Variants in OTUD7B observed in about 807,000 individuals in gnomAD.
OTUD7B encodes the protein OTU domain-containing protein 7B.
A neutral mutation model predicts 82.2 loss-of-function variants in OTUD7B; 34 were observed. The ratio of observed to expected loss-of-function variants is 0.41; its 90% CI spans 0.31 to 0.55. The LOEUF (loss-of-function observed/expected upper bound fraction) is 0.55, where lower values mean the gene tolerates loss of function less well. Ranked by LOEUF, OTUD7B falls within the 20% of genes least tolerant of loss-of-function variation. The probability of loss-of-function intolerance (pLI) is 0.20; values close to 1 mark genes in which losing one functional copy is unlikely to be tolerated. For synonymous variants in OTUD7B, 398 were observed against 402.7 expected, an observed-to-expected ratio of 0.99 and a Z score of 0.14; for missense variants, 944 against 1,062.1, an observed-to-expected ratio of 0.89 and a Z score of 1.55.
the OTUD7B span, among the ~76,000 whole-genome samples, chr1:150,038,763 G>GT: frequency 6.6e-6 from 1 of 151,994 alleles, no homozygotes; most frequent in East Asian, 1.9e-4. Flanking sequence ...TGATTTTTGA[G>GT]TTTTATGTTT....
chr1:150,042,283 G>A, the OTUD7B span, among the ~76,000 whole-genome samples: 2 of 150,856 alleles, frequency 1.3e-5, no homozygotes, highest in Non-Finnish European at 3.0e-5. Flanking sequence ...AGCAATTCTC[G>A]TGCCTCAATC....
chr1:149,979,929 T>TA lies in OTUD7B; in HGVS notation c.-66-2354dup, dbSNP rs367616835. Among the ~76,000 whole-genome samples, 4 of 151,864 alleles carry TA rather than the reference T, an allele frequency of 2.6e-5. No homozygotes were observed. In the East Asian group the frequency reaches 5.8e-4, roughly 22 times the overall value. On this transcript the variant is annotated intron_variant, in intron 1 of 11. Coordinates refer to ENST00000581312, the MANE Select transcript of OTUD7B (RefSeq NM_020205.4). ...AAAATAAATTTCAATCTTCTCTCTT[T>TA]AAAAAAAAGCAACGCAACTGTAAAG...
At chr1:149,955,703 T>C (rs1274300094) in intron 7 of OTUD7B, among the ~76,000 whole-genome samples, 1 of 152,160 alleles carries the variant, frequency 6.6e-6, no homozygotes, top group African/African-American at 2.4e-5. Context: ...CTCTAAGGAC[T>C]TGCTTTATGA....
intron 1 of OTUD7B, among the ~76,000 whole-genome samples, chr1:149,995,976 A>G (rs1651897402): frequency 6.6e-6 from 1 of 152,208 alleles, no homozygotes; most frequent in South Asian, 2.1e-4. Flanking sequence ...AGCTTTTTCT[A>G]TTTGAATGAA....
chr1:150,002,913 G>A (rs2101932889), intron 1 of OTUD7B, among the ~76,000 whole-genome samples: 1 of 152,254 alleles, frequency 6.6e-6, no homozygotes, highest in South Asian at 2.1e-4. Flanking sequence ...AATCTTTCTA[G>A]GATGTGAAAC....
At chr1:149,971,729 G>C (rs1649954561) in intron 2 of OTUD7B, among the ~76,000 whole-genome samples, 1 of 152,164 alleles carries the variant, frequency 6.6e-6, no homozygotes, top group Non-Finnish European at 1.5e-5. Context: ...ATTTTCTAGT[G>C]AAAGAGTTCA....
chr1:150,045,559 A>G, the OTUD7B span, among the ~76,000 whole-genome samples: 3 of 152,224 alleles, frequency 2.0e-5, no homozygotes, highest in Non-Finnish European at 4.4e-5. Flanking sequence ...GACCAAAAAA[A>G]GCATACAGAA....
At chr1:150,009,235 G>A (rs1168749885) in intron 1 of OTUD7B, among the ~76,000 whole-genome samples, 1 of 152,162 alleles carries the variant, frequency 6.6e-6, no homozygotes, top group Non-Finnish European at 1.5e-5. Flanking sequence ...ATCTCATTTA[G>A]TAGGAAGAAA....
the OTUD7B span, among the ~76,000 whole-genome samples, chr1:150,062,119 G>A: frequency 6.6e-6 from 1 of 152,138 alleles, no homozygotes; most frequent in African/African-American, 2.4e-5. Flanking sequence ...TTGCACATAT[G>A]GCCCTTTCAC....
the OTUD7B span, among the ~76,000 whole-genome samples, chr1:150,035,087 T>A: frequency 6.7e-6 from 1 of 150,278 alleles, no homozygotes; most frequent in African/African-American, 2.5e-5. Flanking sequence ...GAGGTTGTAG[T>A]GAGCTGAGAT....
At chr1:149,949,130 A>G in intron 9 of OTUD7B, 47 bp from the exon 10 acceptor site, 1 of 1,165,636 alleles carries the variant, frequency 8.6e-7, no homozygotes, top group Non-Finnish European at 1.3e-6. Context: ...TAAGAGAGAA[A>G]GGTAACTGAA....
chr1:150,061,149 G>A, the OTUD7B span, among the ~76,000 whole-genome samples: 4 of 152,118 alleles, frequency 2.6e-5, no homozygotes, highest in Admixed American at 6.5e-5. Context: ...GCCTTGGCCC[G>A]CAAATGCTGG....
At chr1:150,046,892 G>A in the OTUD7B span, among the ~76,000 whole-genome samples, 4 of 151,882 alleles carry the variant, frequency 2.6e-5, no homozygotes, top group East Asian at 2.0e-4. Flanking sequence ...CTAACATGGC[G>A]AAACCCCATC....
At chr1:150,036,027 C>T in the OTUD7B span, among the ~76,000 whole-genome samples, 1 of 146,602 alleles carries the variant, frequency 6.8e-6, no homozygotes. Context: ...AAACTCGGCT[C>T]ACTGAACCTC....
Position 149,977,430 on chromosome 1 carries a change from T to A in OTUD7B, c.81A>T (p.Leu27=). 6.2e-7 allele frequency: 1 copy of A among 1,610,196 alleles called. No individual in the cohort carries two copies. Among genetic ancestry groups the A allele is most frequent in the South Asian group, 1.1e-5 (1 of 90,998 alleles). ...TTCTCCCCTACAACTCCTCACCTTC[T>A]AGGAGATCTCGCGCTAGCCCTGGCT... ...GAEPGLARDL[L]EGKNWDVNAA... is the part of the protein sequence containing the mutation. Residue 27 remains leucine, a synonymous_variant, in exon 2 of 12, where the codon CTA becomes CTT. Transcript: ENST00000581312.
At chr1:149,980,459 G>A (rs1158027040) in intron 1 of OTUD7B, among the ~76,000 whole-genome samples, 1 of 152,012 alleles carries the variant, frequency 6.6e-6, no homozygotes, top group African/African-American at 2.4e-5. Flanking sequence ...AGTGGCTCAC[G>A]CCTGTAATTC....
the OTUD7B span, among the ~76,000 whole-genome samples, chr1:150,030,734 C>T: frequency 1.4e-3 from 206 of 152,336 alleles, 1 homozygote; most frequent in African/African-American, 4.9e-3. Flanking sequence ...TCCATTTCCA[C>T]CAGTTCACTG....
chr1:150,058,917 TTTC>T, the OTUD7B span, among the ~76,000 whole-genome samples: 2 of 152,164 alleles, frequency 1.3e-5, no homozygotes, highest in Admixed American at 6.5e-5. Context: ...TTACAATAAA[TTTC>T]TTATTTTATA....
intron 7 of OTUD7B, among the ~76,000 whole-genome samples, chr1:149,956,133 A>C (rs1553774517): frequency 6.6e-6 from 1 of 152,110 alleles, no homozygotes; most frequent in Non-Finnish European, 1.5e-5. Flanking sequence ...CCTAGCATCG[A>C]TGGTCTTTAA....
Sources: allele counts gnomAD v4.1 joint callset (sites outside exome capture counted in the v4.1 genomes callset), GRCh38; gene constraint gnomAD v4.1.1; transcripts MANE v1.5; gene names NCBI Gene and HGNC (gene_info 2026-07-23, HGNC 2026-07-21).